NDST4: variants seen among roughly 807,000 people sequenced by gnomAD.
The protein encoded by NDST4 is N-deacetylase and N-sulfotransferase 4, also known as N-heparan sulfate sulfotransferase 4.
Under a neutral mutation model 100.8 loss-of-function variants are expected in NDST4, and 63 were observed. The ratio of observed to expected loss-of-function variants is 0.62; its 90% CI spans 0.51 to 0.77. The LOEUF is 0.77. NDST4 is among the 30% of genes least tolerant of loss of function. The pLI, the probability that NDST4 is intolerant of heterozygous loss-of-function variation, is 0.00. For missense variants in NDST4, 943 were observed against 1,018.4 expected (o/e 0.93, Z 1.01); for synonymous variants, 377 against 361.8 (o/e 1.04, Z -0.48).
At chr4:115,101,619 T>A (rs1729731702) in intron 1 of NDST4, among the ~76,000 whole-genome samples, 1 of 152,116 alleles carries the variant, frequency 6.6e-6, no homozygotes, top group South Asian at 2.1e-4. Flanking sequence ...ACAAAATTGA[T>A]CTTGAATTTG....
At chr4:114,969,558 C>T (rs1376089248) in intron 4 of NDST4, among the ~76,000 whole-genome samples, 3 of 152,128 alleles carry the variant, frequency 2.0e-5, no homozygotes, top group Non-Finnish European at 4.4e-5. Flanking sequence ...TAAGTGCCAA[C>T]ATGCAGTGTT....
intron 6 of NDST4, among the ~76,000 whole-genome samples, chr4:114,899,105 C>G (rs1377559321): frequency 6.6e-6 from 1 of 152,026 alleles, no homozygotes; most frequent in Non-Finnish European, 1.5e-5. Context: ...CTTCCTGATT[C>G]CTGATTTTAG....
chr4:114,997,336 A>G (rs1727186681), intron 2 of NDST4, among the ~76,000 whole-genome samples: 1 of 152,076 alleles, frequency 6.6e-6, no homozygotes, highest in Admixed American at 6.6e-5. Flanking sequence ...TATATCAAGG[A>G]GACAGAATGA....
intron 6 of NDST4, among the ~76,000 whole-genome samples, chr4:114,905,628 C>A (rs1386437671): frequency 6.6e-6 from 1 of 151,856 alleles, no homozygotes; most frequent in Non-Finnish European, 1.5e-5. Flanking sequence ...TGAAGTCTTA[C>A]TATGTGTAAA....
At chr4:115,015,939 T>G (rs1431517978) in intron 2 of NDST4, among the ~76,000 whole-genome samples, 1 of 152,070 alleles carries the variant, frequency 6.6e-6, no homozygotes, top group Non-Finnish European at 1.5e-5. Context: ...GTTGATTACA[T>G]TGGACCACTT....
chr4:114,856,643 T>G (rs946292387), intron 7 of NDST4, among the ~76,000 whole-genome samples: 1 of 152,234 alleles, frequency 6.6e-6, no homozygotes, highest in African/African-American at 2.4e-5. Flanking sequence ...TTAGGCCGAT[T>G]CTTCCCAGTG....
chr4:114,929,519 T>C (rs909365732), intron 6 of NDST4, among the ~76,000 whole-genome samples: 2 of 152,184 alleles, frequency 1.3e-5, no homozygotes, highest in African/African-American at 4.8e-5. Flanking sequence ...CTATGTATCA[T>C]ATTTTGAGCT....
chr4:114,966,276 C>T (rs1325038673), intron 4 of NDST4, among the ~76,000 whole-genome samples: 3 of 151,922 alleles, frequency 2.0e-5, no homozygotes, highest in Admixed American at 2.0e-4. Flanking sequence ...CATGCATATA[C>T]ATATTCACAT....
chr4:114,958,331 C>T (rs911938781), intron 4 of NDST4, among the ~76,000 whole-genome samples: 20 of 147,864 alleles, frequency 1.4e-4, no homozygotes, highest in African/African-American at 5.4e-4. Flanking sequence ...CCACCAGTCT[C>T]TTTGTAAAAC....
rs142126493 is a variant in NDST4 at position 114,849,594 on chromosome 4, G to T, written c.1817-1256C>A. ...ACCAAGAGGTAATGAGTAGCTAAAG[G>T]GAAGAACGTAACAACAGATCCATGG... is the stretch of plus-strand genomic sequence containing the variant. On this transcript the variant is annotated intron_variant, in intron 8 of 13. Coordinates refer to ENST00000264363, the MANE Select transcript of NDST4 (RefSeq NM_022569.3). Among the ~76,000 whole-genome samples the T allele has an allele frequency of 6.6e-5, 10 of 152,188 alleles. No homozygotes were observed. In the East Asian group the frequency reaches 1.2e-3, roughly 18 times the overall value.
intron 1 of NDST4, among the ~76,000 whole-genome samples, chr4:115,113,034 T>G (rs1441068496): frequency 6.6e-6 from 1 of 151,922 alleles, no homozygotes; most frequent in African/African-American, 2.4e-5. Flanking sequence ...GAATGCCATG[T>G]TTTCAGTAAC....
rs1366709077 is a variant in NDST4 at position 114,975,469 on chromosome 4, T to C, written c.1066+1718A>G. 2.6e-5 allele frequency among the ~76,000 whole-genome samples: 4 copies of C among 152,126 alleles called. No homozygotes were observed. In the South Asian group the frequency reaches 8.3e-4, roughly 31 times the overall value. On this transcript the variant is annotated intron_variant, in intron 3 of 13. Coordinates refer to ENST00000264363, the MANE Select transcript of NDST4 (RefSeq NM_022569.3). ...AAGATATAATTAAAATACATCTTTC[T>C]TTTTTACTGTCCTTCTTCAATAACT...
At chr4:115,025,762 T>C (rs79650733) in intron 2 of NDST4, among the ~76,000 whole-genome samples, 1 of 152,296 alleles carries the variant, frequency 6.6e-6, no homozygotes, top group African/African-American at 2.4e-5. Flanking sequence ...ATTTAAAGTT[T>C]CTGTAATTTC....
chr4:114,983,367 C>T (rs986389950), intron 2 of NDST4, among the ~76,000 whole-genome samples: 3 of 152,208 alleles, frequency 2.0e-5, no homozygotes, highest in East Asian at 1.9e-4. Flanking sequence ...TTGCCCAGGG[C>T]CTTGGGAGTC....
intron 2 of NDST4, among the ~76,000 whole-genome samples, chr4:115,009,290 C>T (rs1727489713): frequency 7.7e-6 from 1 of 129,406 alleles, no homozygotes; most frequent in South Asian, 3.0e-4. Context: ...TACTATACTA[C>T]AAGGCTACAG....
At chr4:114,848,680 G>A (rs948936076) in intron 8 of NDST4, among the ~76,000 whole-genome samples, 1 of 152,204 alleles carries the variant, frequency 6.6e-6, no homozygotes, top group Non-Finnish European at 1.5e-5. Context: ...GGGTCCTTCT[G>A]GCTCCATCTT....
At chr4:114,999,917 T>A (rs2126255358) in intron 2 of NDST4, among the ~76,000 whole-genome samples, 1 of 152,094 alleles carries the variant, frequency 6.6e-6, no homozygotes, top group East Asian at 1.9e-4. Flanking sequence ...CCTATACTTA[T>A]CAAAAAATCT....
At chr4:114,981,833 A>T (rs1377289124) in intron 2 of NDST4, among the ~76,000 whole-genome samples, 1 of 152,146 alleles carries the variant, frequency 6.6e-6, no homozygotes, top group African/African-American at 2.4e-5. Flanking sequence ...ATAGTCTTTG[A>T]TATGGTTTGG....
rs548093923 is a variant in NDST4 at position 115,081,110 on chromosome 4, C to A, written c.-246-3828G>T. Among the ~76,000 whole-genome samples the A allele has an allele frequency of 2.4e-3, 349 of 143,380 alleles. 2 individuals are homozygous for A. Among genetic ancestry groups the A allele is most frequent in the African/African-American group, 8.8e-3 (328 of 37,174 alleles). The allele number at this position is 143,380 out of a possible 152,430, so 94.1% of individuals were successfully genotyped here. A position where few individuals can be genotyped will look rare whatever the true frequency, so the allele number is the denominator to read the frequency against. On this transcript the variant is annotated intron_variant, in intron 1 of 13. Coordinates refer to ENST00000264363, the MANE Select transcript of NDST4 (RefSeq NM_022569.3). ...AGTGAAAAATAAATTAAAAAAAAAA[C>A]CATATGGGGCAAGAATCTGCCAACC...
Sources: gnomAD v4.1 joint callset for allele counts (sites outside exome capture counted in the v4.1 genomes callset) on GRCh38, gnomAD v4.1.1 for gene constraint, MANE v1.5 for transcripts, NCBI Gene and HGNC (gene_info 2026-07-23, HGNC 2026-07-21) for gene names.